The following FAM174A variants were observed in gnomAD, a reference collection of about 807,000 sequenced individuals.
FAM174A encodes membrane protein FAM174A.
Under a neutral mutation model 14.3 loss-of-function variants are expected in FAM174A, and 14 were observed. The observed-to-expected ratio is 0.98, with a 90% CI of 0.65 to 1.53. The LOEUF (loss-of-function observed/expected upper bound fraction) is 1.53. Among genes scored for constraint, FAM174A ranks in the 40% most tolerant of loss-of-function variants. The pLI, the probability that FAM174A is intolerant of heterozygous loss-of-function variation, is 0.00. For synonymous variants in FAM174A, 108 were observed against 111.4 expected (o/e 0.97, Z 0.19); for missense variants, 241 against 249.6 (o/e 0.97, Z 0.23).
intron 1 of FAM174A, among the ~76,000 whole-genome samples, chr5:100,538,565 A>G (rs992370369): frequency 5.3e-5 from 8 of 152,074 alleles, no homozygotes. Flanking sequence ...GTAGGGACAA[A>G]GTAGATTGCC....
intron 2 of FAM174A, among the ~76,000 whole-genome samples, chr5:100,584,464 G>A (rs1012227982): frequency 9.2e-5 from 14 of 152,164 alleles, no homozygotes; most frequent in African/African-American, 3.4e-4. Context: ...TTGGTCAACA[G>A]AAGCTGCTTC....
chr5:100,540,230 T>C (rs890008286), intron 1 of FAM174A, among the ~76,000 whole-genome samples: 1 of 152,074 alleles, frequency 6.6e-6, no homozygotes, highest in Non-Finnish European at 1.5e-5. Flanking sequence ...AAAACATCCA[T>C]AGAAATCACT....
At position 100,586,676 on chromosome 5, in the gene FAM174A, A is replaced by T. The variant is rs1747131590; in HGVS notation, c.*492A>T. 6.6e-6 allele frequency: 1 copy of T among 152,200 alleles called. No homozygotes were observed. Among genetic ancestry groups the T allele is most frequent in the Non-Finnish European group, 1.5e-5 (1 of 68,012 alleles). 9.4% of individuals were successfully genotyped at this position (152,200 alleles called of 1,614,324 possible). On this transcript the variant is annotated 3_prime_UTR_variant, in exon 3 of 3. Coordinates refer to ENST00000312637, the MANE Select transcript of FAM174A (RefSeq NM_198507.3). ...TTTATTACTTTGTGTTGGGGTTTTT[A>T]AAATATTAAGAAATGTCTAAGTTAT... is the stretch of plus-strand genomic sequence containing the variant.
At chr5:100,557,615 G>T (rs998793415) in intron 1 of FAM174A, among the ~76,000 whole-genome samples, 6 of 152,138 alleles carry the variant, frequency 3.9e-5, no homozygotes, top group East Asian at 1.9e-4. Flanking sequence ...CAATTTCAGA[G>T]CCTGTTATTG....
chr5:100,562,053 G>A lies in FAM174A; in HGVS notation c.435-1G>A. On this transcript the variant is annotated splice_acceptor_variant, in intron 1 of 2. Transcript: ENST00000312637. LOFTEE classifies it high-confidence loss of function. ...ATTCATTAATTTGTTCTATTTGATAGGATGAGAAGAAGAAACCGAAAGACT... is the reference window on the plus strand; with the variant it reads ...ATTCATTAATTTGTTCTATTTGATAAGATGAGAAGAAGAAACCGAAAGACT... The A allele has an allele frequency of 6.5e-7, 1 of 1,537,478 alleles. No individual in the cohort carries two copies. The highest frequency in any genetic ancestry group is 8.8e-7 in the Non-Finnish European group (1 of 1,133,656).
At chr5:100,544,413 G>A (rs552702793) in intron 1 of FAM174A, among the ~76,000 whole-genome samples, 152 of 150,566 alleles carry the variant, frequency 1.0e-3, no homozygotes, top group African/African-American at 3.6e-3. Context: ...ATCCTGGAGA[G>A]AGAGAGAGAG....
chr5:100,576,312 G>A (rs889079810), intron 2 of FAM174A, among the ~76,000 whole-genome samples: 2 of 152,050 alleles, frequency 1.3e-5, no homozygotes, highest in Non-Finnish European at 2.9e-5. Context: ...TACCTCAAGG[G>A]TCTTGCTCCT....
intron 1 of FAM174A, among the ~76,000 whole-genome samples, chr5:100,545,215 A>C (rs1162806951): frequency 1.3e-5 from 2 of 152,204 alleles, no homozygotes; most frequent in African/African-American, 4.8e-5. Context: ...AAAATATGAG[A>C]AATATGGTAA....
At chr5:100,557,483 A>G (rs958085577) in intron 1 of FAM174A, among the ~76,000 whole-genome samples, 2 of 152,088 alleles carry the variant, frequency 1.3e-5, no homozygotes, top group South Asian at 2.1e-4. Context: ...CTCTTTTTCT[A>G]TTGATTGGAA....
intron 2 of FAM174A, among the ~76,000 whole-genome samples, chr5:100,580,544 A>G (rs1434330489): frequency 6.6e-6 from 1 of 152,200 alleles, no homozygotes; most frequent in African/African-American, 2.4e-5. Context: ...AGGCTAGGCC[A>G]GTCTCTCACA....
In FAM174A at chr5:100,557,898, T is replaced by G. The variant is rs1273306971; in HGVS notation, c.435-4156T>G. Among the ~76,000 whole-genome samples the G allele has an allele frequency of 2.0e-5, 3 of 152,304 alleles. No individual in the cohort carries two copies. The East Asian group carries it at 5.8e-4, about 29-fold the overall frequency. On this transcript the variant is annotated intron_variant, in intron 1 of 2. Coordinates refer to ENST00000312637, the MANE Select transcript of FAM174A (RefSeq NM_198507.3). ...CTTTTCAAAAAACCAGCTACTGGAT[T>G]CATTGATTTTTTGAAGGGTTTTTTA...
intron 2 of FAM174A, among the ~76,000 whole-genome samples, chr5:100,570,598 A>G (rs1052756866): frequency 1.3e-5 from 2 of 151,984 alleles, no homozygotes; most frequent in Admixed American, 1.3e-4. Flanking sequence ...GAACAGCTAT[A>G]TAATGCCTAC....
intron 2 of FAM174A, among the ~76,000 whole-genome samples, chr5:100,581,906 TATGTTTTG>T (rs963526100): frequency 2.2e-4 from 34 of 152,248 alleles, no homozygotes; most frequent in African/African-American, 8.2e-4. Context: ...CTAATTTGCA[TATGTTTTG>T]AGGTTAATTA....
intron 1 of FAM174A, among the ~76,000 whole-genome samples, chr5:100,539,215 A>G (rs1320667405): frequency 2.0e-5 from 3 of 152,144 alleles, no homozygotes; most frequent in Admixed American, 1.3e-4. Flanking sequence ...TATTTATTCA[A>G]CTGACCAGTA....
At chr5:100,557,904 A>G (rs1315535620) in intron 1 of FAM174A, among the ~76,000 whole-genome samples, 3 of 151,730 alleles carry the variant, frequency 2.0e-5, no homozygotes, top group Admixed American at 6.6e-5. Context: ...GGATTCATTG[A>G]TTTTTTGAAG....
chr5:100,573,193 T>G (rs963977168), intron 2 of FAM174A, among the ~76,000 whole-genome samples: 25 of 152,122 alleles, frequency 1.6e-4, no homozygotes, highest in Middle Eastern at 3.4e-3. Context: ...TTTCTCCCAT[T>G]TTGTAGGTTG....
At chr5:100,541,927 T>A (rs1393080180) in intron 1 of FAM174A, among the ~76,000 whole-genome samples, 1 of 152,202 alleles carries the variant, frequency 6.6e-6, no homozygotes, top group Non-Finnish European at 1.5e-5. Flanking sequence ...GAGTATTTCT[T>A]GCCTAGCTTC....
chr5:100,586,074 C>A, intron 2 of FAM174A, 107 bp from the exon 3 acceptor site: 1 of 509,150 alleles, frequency 2.0e-6, no homozygotes, highest in Non-Finnish European at 3.5e-6. Flanking sequence ...AGACTAAGTA[C>A]TTTTATTATA....
chr5:100,556,065 T>TC (rs1238791604), intron 1 of FAM174A, among the ~76,000 whole-genome samples: 1 of 152,258 alleles, frequency 6.6e-6, no homozygotes, highest in Non-Finnish European at 1.5e-5. Flanking sequence ...CTAGGGTTTT[T>TC]ATGGTTTTAG....
Sources: allele counts gnomAD v4.1 joint callset (sites outside exome capture counted in the v4.1 genomes callset), GRCh38; gene constraint gnomAD v4.1.1; transcripts MANE v1.5; gene names NCBI Gene and HGNC (gene_info 2026-07-23, HGNC 2026-07-21).